Variants in CELA3B observed in about 807,000 individuals in gnomAD.
CELA3B encodes the protein chymotrypsin-like elastase family member 3B.
Under a neutral mutation model 37.2 loss-of-function variants are expected in CELA3B, and 34 were observed. The ratio of observed to expected loss-of-function variants is 0.91; its 90% CI spans 0.70 to 1.22. The LOEUF (loss-of-function observed/expected upper bound fraction) is 1.22, where lower values mean the gene tolerates loss of function less well. Among genes scored for constraint, CELA3B ranks in the 50% most tolerant of loss-of-function variants. The probability of loss-of-function intolerance (pLI) is 0.00; values close to 1 mark genes in which losing one functional copy is unlikely to be tolerated. For synonymous variants in CELA3B, 127 were observed against 143.5 expected (o/e 0.89, Z 0.82); for missense variants, 340 against 363.1 (o/e 0.94, Z 0.52).
rs541644198 is a variant in CELA3B, at chr1:21,984,285, A to G, written c.596A>G (p.Lys199Arg). ...TGGAACTGGTGGGGTTCCTCCGTGA[A>G]GAAGACCATGGTGTGTGCTGGAGGG... is the stretch of plus-strand genomic sequence containing the variant. Reference protein sequence around the residue: ...SRWNWWGSSVKKTMVCAGGDI... With the variant: ...SRWNWWGSSVRKTMVCAGGDI... The change falls in exon 6 of 8, where the codon AAG (lysine) becomes AGG (arginine). Residue 199 changes from lysine (K) to arginine (R), a missense_variant. Lys to Arg is a conservative substitution (Grantham distance 26). Transcript: ENST00000337107. The G allele has an allele frequency of 7.2e-5, 116 of 1,614,130 alleles. No homozygotes were observed. In the South Asian group the frequency reaches 1.2e-3, roughly 17 times the overall value.
chr1:21,982,217 C>G (rs913968285), intron 4 of CELA3B, among the ~76,000 whole-genome samples: 1 of 152,102 alleles, frequency 6.6e-6, no homozygotes, highest in African/African-American at 2.4e-5. Context: ...GACAAAAGGA[C>G]TGGAGTGACA....
Position 21,984,275 on chromosome 1 carries a change from T to C in CELA3B, c.586T>C (p.Ser196Pro). ...EHCSRWNWWG[S>P]SVKKTMVCAG... ...CTGCTCCAGGTGGAACTGGTGGGGT[T>C]CCTCCGTGAAGAAGACCATGGTGTG... The change falls in exon 6 of 8, where the codon TCC becomes CCC. Residue 196 changes from serine to proline, a missense_variant. Physicochemically the swap from Ser to Pro is moderately conservative, Grantham distance 74 (BLOSUM62 -1). Coordinates refer to ENST00000337107, the MANE Select transcript of CELA3B (RefSeq NM_007352.4). The C allele has an allele frequency of 6.2e-7, 1 of 1,614,148 alleles. No individual in the cohort carries two copies. Among genetic ancestry groups the C allele is most frequent in the South Asian group, 1.1e-5 (1 of 91,078 alleles).
At position 21,983,732 on chromosome 1, in the gene CELA3B, A is replaced by T. The variant is rs4272592; in HGVS notation, c.401A>T (p.Gln134Leu). 3.0e-3 allele frequency: 4,887 copies of T among 1,614,018 alleles called. 83 individuals are homozygous for T. In the African/African-American group the frequency reaches 0.044, roughly 14 times the overall value. ...IALIKLSRSA[Q>L]LGDAVQLASL... ...CTCATCAAGCTCTCACGCAGCGCCC[A>T]GCTGGGAGACGCCGTCCAGCTCGCC... Residue 134 changes from glutamine (Q) to leucine (L), a missense_variant, in exon 5 of 8, where the codon CAG (glutamine) becomes CTG (leucine). Physicochemically the swap from Gln to Leu is moderately radical, Grantham distance 113 (BLOSUM62 -2). Transcript: ENST00000337107.
Position 21,982,165 on chromosome 1 carries a change from TCA to T in CELA3B, c.362+996_362+997del, listed in dbSNP as rs367917251. On this transcript the variant is annotated intron_variant, in intron 4 of 7. Transcript: ENST00000337107. ...ATATGATGGAAACCTCAACCCATCT[TCA>T]CAGGGCTTCTGGGGTGAGTAGAGAG... 7.2e-5 allele frequency among the ~76,000 whole-genome samples: 11 copies of T among 152,268 alleles called. No individual in the cohort carries two copies. In the East Asian group the frequency reaches 2.1e-3, roughly 29 times the overall value.
chr1:21,983,748 C>A lies in CELA3B; in HGVS notation c.417C>A (p.Val139=), dbSNP rs1309365553. The change falls in exon 5 of 8, where the codon GTC becomes GTA. Residue 139 remains valine (V), a synonymous_variant. Coordinates refer to ENST00000337107, the MANE Select transcript of CELA3B (RefSeq NM_007352.4). ...GCAGCGCCCAGCTGGGAGACGCCGT[C>A]CAGCTCGCCTCACTCCCTCCGGCTG... ...LSRSAQLGDA[V]QLASLPPAGD... 3.7e-6 allele frequency: 6 copies of A among 1,614,156 alleles called. No individual in the cohort carries two copies. Among genetic ancestry groups the A allele is most frequent in the African/African-American group, 2.7e-5 (2 of 75,046 alleles).
chr1:21,980,277 C>A (rs61776322), intron 2 of CELA3B, among the ~76,000 whole-genome samples: 3 of 144,422 alleles, frequency 2.1e-5, no homozygotes, highest in Admixed American at 7.0e-5. Flanking sequence ...GTGAGGAGCT[C>A]GAGACCAGCC....
chr1:21,995,144 CTTT>C (rs764836069), intron 4 of CELA3B, among the ~76,000 whole-genome samples: 2 of 84,938 alleles, frequency 2.4e-5, no homozygotes, highest in Non-Finnish European at 2.1e-5. Context: ...TCTTTTCTTT[CTTT>C]TTTTTTTTTT....
At chr1:21,993,079 C>T (rs28806612), downstream of CELA3B, among the ~76,000 whole-genome samples, 1,640 of 151,384 alleles carry the variant, frequency 0.011, 91 homozygotes, top group African/African-American at 0.035. Context: ...AAGACAGTTA[C>T]AGTCATGCTT....
intron 6 of CELA3B, among the ~76,000 whole-genome samples, chr1:21,985,434 T>C (rs1235499726): frequency 6.6e-6 from 1 of 152,030 alleles, no homozygotes; most frequent in African/African-American, 2.4e-5. Context: ...TGTGCCACAA[T>C]GCCTAGCTAA....
At chr1:21,997,408 G>T (rs1262757161) in intron 4 of CELA3B, among the ~76,000 whole-genome samples, 1 of 118,834 alleles carries the variant, frequency 8.4e-6, no homozygotes, top group Non-Finnish European at 1.9e-5. Context: ...AAAAAAAAAT[G>T]CTGGGCGTGG....
At chr1:21,980,337 G>A (rs1461746288) in intron 2 of CELA3B, among the ~76,000 whole-genome samples, 1 of 151,694 alleles carries the variant, frequency 6.6e-6, no homozygotes, top group African/African-American at 2.4e-5. Flanking sequence ...AAATTAGCCA[G>A]GCACGACGGC....
At chr1:21,988,008 C>T (rs1349012136) in intron 7 of CELA3B, 1 of 147,574 alleles carries the variant, frequency 6.8e-6, no homozygotes, top group African/African-American at 2.5e-5. Context: ...GTCAGGAGTT[C>T]AAGACCAGCC....
At chr1:21,982,017 G>A (rs531818036) in intron 4 of CELA3B, among the ~76,000 whole-genome samples, 4 of 152,156 alleles carry the variant, frequency 2.6e-5, no homozygotes, top group Admixed American at 6.5e-5. Context: ...GAGCCACCGC[G>A]CCCTGCCATA....
chr1:21,981,883 G>A (rs375880572), intron 4 of CELA3B, among the ~76,000 whole-genome samples: 14 of 151,906 alleles, frequency 9.2e-5, no homozygotes, highest in Non-Finnish European at 1.8e-4. Context: ...CCGCCACCAC[G>A]CCTGGCTAAT....
At chr1:21,992,747 AGGAGGACT>A (rs908881820), downstream of CELA3B, among the ~76,000 whole-genome samples, 4 of 151,122 alleles carry the variant, frequency 2.6e-5, no homozygotes, top group African/African-American at 9.8e-5. Flanking sequence ...AGGTTAGGGT[AGGAGGACT>A]GGAGGACTGC....
chr1:21,981,939 A>G (rs540238175), intron 4 of CELA3B, among the ~76,000 whole-genome samples: 20 of 152,024 alleles, frequency 1.3e-4, no homozygotes, highest in South Asian at 1.2e-3. Context: ...GTTAGCCAGG[A>G]TGATCTCGAT....
chr1:21,983,379 T>A (rs771325324), intron 4 of CELA3B, among the ~76,000 whole-genome samples: 1 of 150,194 alleles, frequency 6.7e-6, no homozygotes. Flanking sequence ...AAAAATTTGC[T>A]CTGCCTTAAG....
chr1:21,977,652 C>T (rs1000509788), intron 1 of CELA3B, among the ~76,000 whole-genome samples: 1 of 152,164 alleles, frequency 6.6e-6, no homozygotes, highest in African/African-American at 2.4e-5. Flanking sequence ...TATCATTTTC[C>T]CCATTTTACC....
chr1:21,985,613 C>T (rs186362232), intron 6 of CELA3B, among the ~76,000 whole-genome samples: 4,520 of 151,516 alleles, frequency 0.03, 87 homozygotes, highest in Non-Finnish European at 0.033. Context: ...AAAAAATGGC[C>T]GGGCTTGGTG....
Sources: gnomAD v4.1 joint callset for allele counts (sites outside exome capture counted in the v4.1 genomes callset) on GRCh38, gnomAD v4.1.1 for gene constraint, MANE v1.5 for transcripts, NCBI Gene and HGNC (gene_info 2026-07-23, HGNC 2026-07-21) for gene names.